The following RAB10 variants were observed in gnomAD, a reference collection of about 807,000 sequenced individuals.
RAB10 encodes the protein RAB10, member RAS oncogene family, also known as ras-related protein Rab-10.
A neutral mutation model predicts 25.7 loss-of-function variants in RAB10; 5 were observed. The ratio of observed to expected loss-of-function variants is 0.19; its 90% confidence interval spans 0.10 to 0.41. The LOEUF (loss-of-function observed/expected upper bound fraction) is 0.41, where lower values mean the gene tolerates loss of function less well. RAB10 is among the 10% of genes least tolerant of loss of function. RAB10 has a pLI of 1.00. For synonymous variants in RAB10, 89 were observed against 86.4 expected (o/e 1.03, Z -0.16); for missense variants, 103 against 245.8 (o/e 0.42, Z 3.89).
At chr2:26,036,058 G>C (rs777147457) in intron 1 of RAB10, among the ~76,000 whole-genome samples, 2 of 152,108 alleles carry the variant, frequency 1.3e-5, no homozygotes, top group African/African-American at 2.4e-5. Flanking sequence ...TCTAACTTGT[G>C]GGTTAGAGAA....
intron 1 of RAB10, among the ~76,000 whole-genome samples, chr2:26,036,051 A>G (rs888762972): frequency 6.6e-6 from 1 of 152,126 alleles, no homozygotes; most frequent in African/African-American, 2.4e-5. Flanking sequence ...CTTGTTCTCT[A>G]ACTTGTGGGT....
At chr2:26,080,361 G>C (rs1384203593) in intron 1 of RAB10, among the ~76,000 whole-genome samples, 1 of 152,134 alleles carries the variant, frequency 6.6e-6, no homozygotes, top group Non-Finnish European at 1.5e-5. Flanking sequence ...GTTGCGGCAG[G>C]AGCCAGGAAT....
At chr2:26,048,056 T>C (rs913620121) in intron 1 of RAB10, among the ~76,000 whole-genome samples, 22 of 150,852 alleles carry the variant, frequency 1.5e-4, no homozygotes, top group Non-Finnish European at 2.7e-4. Context: ...TTTTTTTTTT[T>C]AAATTGTTGA....
intron 2 of RAB10, among the ~76,000 whole-genome samples, chr2:26,104,116 T>A (rs1251330020): frequency 6.6e-6 from 1 of 152,238 alleles, no homozygotes; most frequent in East Asian, 1.9e-4. Context: ...AATTGTTGGA[T>A]CATATGGTAC....
At chr2:26,044,080 G>A (rs1179200832) in intron 1 of RAB10, among the ~76,000 whole-genome samples, 1 of 152,166 alleles carries the variant, frequency 6.6e-6, no homozygotes, top group Non-Finnish European at 1.5e-5. Flanking sequence ...TTGCACAATG[G>A]TGTGATACAC....
intron 3 of RAB10, among the ~76,000 whole-genome samples, chr2:26,110,286 CAA>C (rs1370433877): frequency 1.4e-5 from 2 of 139,188 alleles, no homozygotes; most frequent in African/African-American, 5.4e-5. Flanking sequence ...TGCAATGAGC[CAA>C]GATTGCGCCA....
chr2:26,082,100 A>G (rs1292417430), intron 1 of RAB10, among the ~76,000 whole-genome samples: 1 of 152,180 alleles, frequency 6.6e-6, no homozygotes, highest in Non-Finnish European at 1.5e-5. Flanking sequence ...ACAGTAAAAT[A>G]TTTTAATGTT....
chr2:26,100,366 T>A (rs1667318118), intron 2 of RAB10, among the ~76,000 whole-genome samples: 1 of 152,220 alleles, frequency 6.6e-6, no homozygotes, highest in Non-Finnish European at 1.5e-5. Flanking sequence ...GTCTACTTAG[T>A]AAGATCAAGT....
chr2:26,051,777 G>T (rs1346973988), intron 1 of RAB10, among the ~76,000 whole-genome samples: 6 of 150,608 alleles, frequency 4.0e-5, no homozygotes, highest in East Asian at 3.9e-4. Flanking sequence ...AGTCATTAAG[G>T]CCAGGTGAGG....
intron 1 of RAB10, among the ~76,000 whole-genome samples, chr2:26,061,434 A>G (rs2149267249): frequency 6.6e-6 from 1 of 152,058 alleles, no homozygotes; most frequent in East Asian, 1.9e-4. Flanking sequence ...CCTTTGAGAG[A>G]CAGGGTCTTG....
Position 26,136,964 on chromosome 2 carries a change from A to C in RAB10, c.*1943A>C, listed in dbSNP as rs979605195. ...TTTTTGAAAAGTTTAGGTTAAACCT[A>C]CTGTTGTTAGATTAATGTATTTGTT... On this transcript the variant is annotated 3_prime_UTR_variant, in exon 6 of 6. Coordinates refer to ENST00000264710, the MANE Select transcript of RAB10 (RefSeq NM_016131.5). 6.6e-6 allele frequency: 1 copy of C among 152,656 alleles called. No individual in the cohort carries two copies. The highest frequency in any genetic ancestry group is 2.4e-5 in the African/African-American group (1 of 41,470). 9.5% of individuals were successfully genotyped at this position (152,656 alleles called of 1,614,324 possible).
At chr2:26,047,529 G>A (rs185090831) in intron 1 of RAB10, among the ~76,000 whole-genome samples, 2 of 149,304 alleles carry the variant, frequency 1.3e-5, no homozygotes, top group Non-Finnish European at 1.5e-5. Context: ...GATTCTCCTC[G>A]CCTCAGCCTC....
intron 1 of RAB10, among the ~76,000 whole-genome samples, chr2:26,087,144 AAAAAT>A (rs1667005088): frequency 6.6e-6 from 1 of 152,164 alleles, no homozygotes; most frequent in African/African-American, 2.4e-5. Context: ...CTCAAAAAAT[AAAAAT>A]GAACAGAACT....
intron 2 of RAB10, among the ~76,000 whole-genome samples, chr2:26,105,079 A>C (rs1667439420): frequency 6.6e-6 from 1 of 152,166 alleles, no homozygotes; most frequent in Non-Finnish European, 1.5e-5. Context: ...TAGAGGTCCA[A>C]CTTACTTCTT....
chr2:26,069,037 A>G (rs535443246), intron 1 of RAB10, among the ~76,000 whole-genome samples: 1 of 152,314 alleles, frequency 6.6e-6, no homozygotes, highest in South Asian at 2.1e-4. Flanking sequence ...AATCTCTCAC[A>G]TATATATTCT....
intron 1 of RAB10, among the ~76,000 whole-genome samples, chr2:26,083,972 T>C (rs532759837): frequency 6.6e-6 from 1 of 152,202 alleles, no homozygotes; most frequent in Non-Finnish European, 1.5e-5. Flanking sequence ...AAAATATCGC[T>C]GAGAGAACTA....
chr2:26,106,010 C>A (rs1667458128), intron 2 of RAB10, among the ~76,000 whole-genome samples: 1 of 152,124 alleles, frequency 6.6e-6, no homozygotes. Context: ...TCTAATGATG[C>A]ATTTCTCAGA....
intron 1 of RAB10, among the ~76,000 whole-genome samples, chr2:26,067,848 A>G (rs561180668): frequency 1.6e-4 from 24 of 152,338 alleles, no homozygotes; most frequent in African/African-American, 5.5e-4. Flanking sequence ...AAAAATGTAA[A>G]GTCTAAGACA....
intron 2 of RAB10, 35 bp downstream of exon 2, chr2:26,098,757 G>A (rs1462411043): frequency 8.7e-6 from 13 of 1,493,034 alleles, no homozygotes; most frequent in Non-Finnish European, 1.2e-5. Flanking sequence ...GTAGCAGAAT[G>A]TCAGGTTCCT....
Sources: gnomAD v4.1 joint callset for allele counts (sites outside exome capture counted in the v4.1 genomes callset) on GRCh38, gnomAD v4.1.1 for gene constraint, MANE v1.5 for transcripts, NCBI Gene and HGNC (gene_info 2026-07-23, HGNC 2026-07-21) for gene names.